DEPTOR: variants seen among roughly 807,000 people sequenced by gnomAD.
The protein encoded by DEPTOR is DEP domain containing MTOR interacting protein, also known as DEP domain-containing mTOR-interacting protein.
Under a neutral mutation model 41.6 loss-of-function variants are expected in DEPTOR, and 41 were observed. The ratio of observed to expected loss-of-function variants is 0.98; its 90% CI spans 0.77 to 1.28. The LOEUF (loss-of-function observed/expected upper bound fraction) is 1.28, where lower values mean the gene tolerates loss of function less well. Ranked by LOEUF, DEPTOR falls within the 50% of genes most tolerant of loss-of-function variation. The probability of loss-of-function intolerance (pLI) is 0.00; values close to 1 mark genes in which losing one functional copy is unlikely to be tolerated. For missense variants in DEPTOR, 514 were observed against 527.9 expected, an observed-to-expected ratio of 0.97 and a Z score of 0.26; for synonymous variants, 195 against 192.3, an observed-to-expected ratio of 1.01 and a Z score of -0.12.
intron 1 of DEPTOR, among the ~76,000 whole-genome samples, chr8:119,892,126 G>A (rs1226808169): frequency 2.0e-5 from 3 of 152,194 alleles, no homozygotes; most frequent in Non-Finnish European, 4.4e-5. Context: ...AGCCTCCCGA[G>A]TAGCTGGGAC....
chr8:119,970,894 C>T (rs1214301903), intron 4 of DEPTOR, among the ~76,000 whole-genome samples: 11 of 152,062 alleles, frequency 7.2e-5, no homozygotes, highest in Admixed American at 5.2e-4. Context: ...GGGGAGCCCT[C>T]GGAGGGGCCA....
At chr8:119,956,980 A>G (rs1034955898) in intron 3 of DEPTOR, among the ~76,000 whole-genome samples, 4 of 151,806 alleles carry the variant, frequency 2.6e-5, no homozygotes, top group Non-Finnish European at 5.9e-5. Context: ...CAGGTGATCT[A>G]CCTGCCTTGG....
chr8:119,884,123 T>C (rs1334969568), intron 1 of DEPTOR, among the ~76,000 whole-genome samples: 2 of 152,218 alleles, frequency 1.3e-5, no homozygotes, highest in Non-Finnish European at 2.9e-5. Flanking sequence ...AGTGGCATGA[T>C]CTTGGCTCAC....
At chr8:119,996,157 G>A (rs2130065893) in intron 4 of DEPTOR, among the ~76,000 whole-genome samples, 1 of 152,272 alleles carries the variant, frequency 6.6e-6, no homozygotes, top group African/African-American at 2.4e-5. Context: ...TCATTTCAGG[G>A]AGGGTGGCTG....
chr8:119,918,300 C>T (rs920863194), intron 1 of DEPTOR, among the ~76,000 whole-genome samples: 1 of 152,200 alleles, frequency 6.6e-6, no homozygotes. Context: ...ATTGCAGTGA[C>T]AAGACACAGA....
At chr8:119,957,866 C>T (rs1162669375) in intron 3 of DEPTOR, among the ~76,000 whole-genome samples, 1 of 152,138 alleles carries the variant, frequency 6.6e-6, no homozygotes, top group Non-Finnish European at 1.5e-5. Flanking sequence ...TGGGATTTTA[C>T]AGGCGTGAGC....
rs138697546 is a variant in DEPTOR at position 119,965,888 on chromosome 8, A to G, written c.604+478A>G. On this transcript the variant is annotated intron_variant, in intron 4 of 8. Transcript: ENST00000286234. ...TAAGCCAAAGAGCCTTCATAAAAGT[A>G]TCACTTTCCGTTTAGGGCCAAATCA... 2.6e-3 allele frequency among the ~76,000 whole-genome samples: 401 copies of G among 152,322 alleles called. 1 individual carries two copies. The highest frequency in any genetic ancestry group is 9.3e-3 in the African/African-American group (385 of 41,570).
intron 8 of DEPTOR, among the ~76,000 whole-genome samples, chr8:120,027,358 G>A (rs539824132): frequency 6.6e-6 from 1 of 152,052 alleles, no homozygotes; most frequent in Admixed American, 6.6e-5. Context: ...CACCAACTCA[G>A]TTTCACATGT....
chr8:119,885,782 A>G (rs1827356398), intron 1 of DEPTOR, among the ~76,000 whole-genome samples: 1 of 152,346 alleles, frequency 6.6e-6, no homozygotes, highest in Non-Finnish European at 1.5e-5. Flanking sequence ...TTAAGATTCC[A>G]CAATTAACAT....
chr8:120,011,695 T>A (rs1812532977), intron 8 of DEPTOR, among the ~76,000 whole-genome samples: 1 of 152,214 alleles, frequency 6.6e-6, no homozygotes, highest in African/African-American at 2.4e-5. Context: ...ATTAATTGAT[T>A]TAGTTTATCT....
At chr8:120,015,051 C>T (rs1420800762) in intron 8 of DEPTOR, among the ~76,000 whole-genome samples, 1 of 152,104 alleles carries the variant, frequency 6.6e-6, no homozygotes, top group Non-Finnish European at 1.5e-5. Context: ...CATGATTATG[C>T]CTATGTCTGC....
At chr8:119,936,925 G>A (rs547453461) in intron 3 of DEPTOR, among the ~76,000 whole-genome samples, 10 of 152,236 alleles carry the variant, frequency 6.6e-5, no homozygotes, top group Non-Finnish European at 1.3e-4. Flanking sequence ...TTGGGAGGCT[G>A]GGGTGGGAGA....
intron 3 of DEPTOR, among the ~76,000 whole-genome samples, chr8:119,938,307 G>A (rs1187786104): frequency 2.0e-5 from 3 of 152,152 alleles, no homozygotes; most frequent in Non-Finnish European, 4.4e-5. Context: ...TGGATTATAT[G>A]AAAGATTTCA....
intron 1 of DEPTOR, among the ~76,000 whole-genome samples, chr8:119,891,656 G>T (rs1827454006): frequency 6.6e-6 from 1 of 152,126 alleles, no homozygotes; most frequent in Non-Finnish European, 1.5e-5. Context: ...GCAAAGATTT[G>T]CTCAGTAATA....
At chr8:119,890,046 C>A (rs770539127) in intron 1 of DEPTOR, among the ~76,000 whole-genome samples, 3 of 152,194 alleles carry the variant, frequency 2.0e-5, no homozygotes, top group South Asian at 2.1e-4. Context: ...CTCACTGGAA[C>A]ATCTGCCTCC....
intron 1 of DEPTOR, among the ~76,000 whole-genome samples, chr8:119,896,300 A>G (rs1827519139): frequency 6.6e-6 from 1 of 152,186 alleles, no homozygotes; most frequent in Admixed American, 6.6e-5. Context: ...AAACTTGCCC[A>G]GGGTTACAAG....
At chr8:120,047,205 A>T (rs1813165217) in intron 8 of DEPTOR, among the ~76,000 whole-genome samples, 1 of 151,938 alleles carries the variant, frequency 6.6e-6, no homozygotes, top group African/African-American at 2.4e-5. Context: ...TATTTTTAGT[A>T]GAGATGGGGT....
At chr8:119,915,548 G>A (rs534163807) in intron 1 of DEPTOR, among the ~76,000 whole-genome samples, 1 of 152,202 alleles carries the variant, frequency 6.6e-6, no homozygotes, top group South Asian at 2.1e-4. Context: ...TTCCACAGTG[G>A]CGCTCAACCA....
chr8:119,877,143 A>G (rs1446141556), intron 1 of DEPTOR, among the ~76,000 whole-genome samples: 1 of 152,158 alleles, frequency 6.6e-6, no homozygotes, highest in Non-Finnish European at 1.5e-5. Flanking sequence ...TATTCTGATG[A>G]CACTTCTTCA....
Sources: allele counts gnomAD v4.1 joint callset (sites outside exome capture counted in the v4.1 genomes callset), GRCh38; gene constraint gnomAD v4.1.1; transcripts MANE v1.5; gene names NCBI Gene and HGNC (gene_info 2026-07-23, HGNC 2026-07-21).